CSMD3: variants seen among roughly 807,000 people sequenced by gnomAD.
CSMD3 encodes the protein CUB and sushi domain-containing protein 3.
Under a neutral mutation model 435.2 loss-of-function variants are expected in CSMD3, and 177 were observed. That is an observed-to-expected ratio of 0.41 (90% CI 0.36 to 0.46). The LOEUF (loss-of-function observed/expected upper bound fraction) is 0.46. Ranked by LOEUF, CSMD3 falls within the 20% of genes least tolerant of loss-of-function variation. CSMD3 has a pLI of 0.34. For missense variants in CSMD3, 4,265 were observed against 4,504.6 expected (o/e 0.95, Z 1.52); for synonymous variants, 1,656 against 1,520.5 (o/e 1.09, Z -2.07).
At chr8:112,472,983 T>G (rs1047434284) in intron 31 of CSMD3, among the ~76,000 whole-genome samples, 1 of 152,192 alleles carries the variant, frequency 6.6e-6, no homozygotes, top group Non-Finnish European at 1.5e-5. Flanking sequence ...TGGCCCACCT[T>G]TCATTTGTGA....
intron 32 of CSMD3, among the ~76,000 whole-genome samples, chr8:112,438,652 A>G (rs1657167630): frequency 6.6e-6 from 1 of 152,184 alleles, no homozygotes; most frequent in South Asian, 2.1e-4. Flanking sequence ...GATCTACCAT[A>G]TAAATCAAAG....
At chr8:113,172,166 A>G (rs548214881) in intron 4 of CSMD3, among the ~76,000 whole-genome samples, 199 of 152,292 alleles carry the variant, frequency 1.3e-3, no homozygotes, top group African/African-American at 4.4e-3. Context: ...TTTTTCATCA[A>G]CATCCATAAA....
chr8:112,952,512 T>C (rs890642192), intron 8 of CSMD3, among the ~76,000 whole-genome samples: 1 of 151,668 alleles, frequency 6.6e-6, no homozygotes. Context: ...GAAATAGATA[T>C]ATAATAATGA....
At chr8:112,905,319 T>C (rs866381844) in intron 10 of CSMD3, among the ~76,000 whole-genome samples, 1 of 103,480 alleles carries the variant, frequency 9.7e-6, no homozygotes, top group Non-Finnish European at 1.9e-5. Context: ...TATATATATA[T>C]ATACACACAC....
chr8:112,276,726 T>G (rs185207280), intron 59 of CSMD3, among the ~76,000 whole-genome samples: 1 of 152,316 alleles, frequency 6.6e-6, no homozygotes, highest in East Asian at 1.9e-4. Flanking sequence ...AGCAAACTTC[T>G]GCCTGGACGT....
Position 112,525,768 on chromosome 8 carries a change from A to T in CSMD3, c.4565-8543T>A, listed in dbSNP as rs537393172. Among the ~76,000 whole-genome samples the T allele has an allele frequency of 3.5e-4, 49 of 141,672 alleles. 1 individual carries two copies. The South Asian group carries it at 8.8e-3, about 26-fold the overall frequency. The allele number at this position is 141,672 out of a possible 152,430, so 92.9% of individuals were successfully genotyped here. ...TATATATACATATATATATATATAT[A>T]TATTTATATGTGTGTGTATATATAT... On this transcript the variant is annotated intron_variant, in intron 27 of 70. Transcript: ENST00000297405.
At chr8:113,259,181 G>A (rs1435068631) in intron 3 of CSMD3, among the ~76,000 whole-genome samples, 1 of 152,070 alleles carries the variant, frequency 6.6e-6, no homozygotes, top group African/African-American at 2.4e-5. Context: ...TGCCCTTGTG[G>A]TCTCATCCTT....
chr8:112,579,525 A>G (rs369370903), intron 23 of CSMD3, among the ~76,000 whole-genome samples: 2 of 152,036 alleles, frequency 1.3e-5, no homozygotes, highest in East Asian at 3.9e-4. Context: ...AGAAAATTTT[A>G]AAAATTATAT....
At position 112,266,852 on chromosome 8, in the gene CSMD3, A is replaced by T. The variant is rs1349377962; in HGVS notation, c.9509-1262T>A. Among the ~76,000 whole-genome samples the T allele has an allele frequency of 7.2e-5, 11 of 152,194 alleles. 1 individual carries two copies. Among genetic ancestry groups the T allele is most frequent in the Admixed American group, 2.6e-4 (4 of 15,272 alleles). Reference sequence around the variant, plus strand: ...ATTTGGGCAGCGAATTGGCTAAAAAACTTTCTACCAGCTAAGAAAACGAAA... The same window carrying T: ...ATTTGGGCAGCGAATTGGCTAAAAATCTTTCTACCAGCTAAGAAAACGAAA... On this transcript the variant is annotated intron_variant, in intron 59 of 70. Transcript: ENST00000297405.
chr8:113,252,493 A>G (rs892155978), intron 3 of CSMD3, among the ~76,000 whole-genome samples: 2 of 152,026 alleles, frequency 1.3e-5, no homozygotes, highest in Admixed American at 1.3e-4. Context: ...CTTCTCCTTT[A>G]GAAAACTTTC....
intron 5 of CSMD3, among the ~76,000 whole-genome samples, chr8:113,022,015 C>T (rs938891765): frequency 3.3e-5 from 5 of 152,106 alleles, no homozygotes; most frequent in Non-Finnish European, 7.4e-5. Context: ...GTCACATGGG[C>T]TTTGAAAATC....
At chr8:113,072,973 G>A (rs1386748223) in intron 5 of CSMD3, among the ~76,000 whole-genome samples, 1 of 151,118 alleles carries the variant, frequency 6.6e-6, no homozygotes, top group East Asian at 1.9e-4. Flanking sequence ...CTCTAAGTCT[G>A]ACTTTGTTAC....
chr8:112,843,491 G>C (rs148532608), intron 11 of CSMD3, among the ~76,000 whole-genome samples: 1 of 151,888 alleles, frequency 6.6e-6, no homozygotes, highest in Non-Finnish European at 1.5e-5. Flanking sequence ...TGTCAAAAGG[G>C]ACTTGAACTT....
intron 1 of CSMD3, among the ~76,000 whole-genome samples, chr8:113,338,535 T>G (rs1237215055): frequency 6.6e-6 from 1 of 152,008 alleles, no homozygotes; most frequent in Non-Finnish European, 1.5e-5. Flanking sequence ...AATAGAATAC[T>G]ATTTAACAAT....
chr8:112,502,557 T>C (rs1403522646), intron 30 of CSMD3, among the ~76,000 whole-genome samples: 1 of 152,212 alleles, frequency 6.6e-6, no homozygotes, highest in Non-Finnish European at 1.5e-5. Context: ...ACATCTTTCT[T>C]ACCCATATCA....
Position 112,296,013 on chromosome 8 carries a change from TA to T in CSMD3, c.8441-8del, listed in dbSNP as rs758580367. 1.7e-5 allele frequency: 27 copies of T among 1,606,858 alleles called. No individual in the cohort carries two copies. In the African/African-American group the frequency reaches 2.5e-4, roughly 15 times the overall value. ...GGAATTCCACAATGACCCGCTGAAA[TA>T]CGTTATAAAGTAATATTTTTAATAC... On this transcript the variant is annotated splice_region_variant and splice_polypyrimidine_tract_variant and intron_variant, in intron 53 of 70. Coordinates refer to ENST00000297405, the MANE Select transcript of CSMD3 (RefSeq NM_198123.2).
chr8:113,089,503 A>G (rs1409475910), intron 5 of CSMD3, among the ~76,000 whole-genome samples: 1 of 152,188 alleles, frequency 6.6e-6, no homozygotes, highest in Admixed American at 6.5e-5. Context: ...TATATAGCAG[A>G]ATAAATATGT....
chr8:113,377,178 A>G (rs890159976), intron 1 of CSMD3: 9 of 1,207,632 alleles, frequency 7.5e-6, no homozygotes, highest in South Asian at 1.7e-5. Flanking sequence ...TGCAAACCCT[A>G]CATCCGCTCC....
At chr8:112,842,908 A>T (rs997213977) in intron 11 of CSMD3, among the ~76,000 whole-genome samples, 2 of 151,850 alleles carry the variant, frequency 1.3e-5, no homozygotes, top group African/African-American at 4.8e-5. Flanking sequence ...TGTTAAAAAA[A>T]CTATGTTGAT....
Sources: gnomAD v4.1 joint callset for allele counts (sites outside exome capture counted in the v4.1 genomes callset) on GRCh38, gnomAD v4.1.1 for gene constraint, MANE v1.5 for transcripts, NCBI Gene and HGNC (gene_info 2026-07-23, HGNC 2026-07-21) for gene names.